Variants in AGRN observed in about 807,000 individuals in gnomAD.
The protein encoded by AGRN is agrin proteoglycan.
AGRN carries 106 observed loss-of-function variants against 211.0 expected under a neutral mutation model. The ratio of observed to expected loss-of-function variants is 0.50; its 90% CI spans 0.43 to 0.59. The LOEUF (loss-of-function observed/expected upper bound fraction) is 0.59. AGRN is among the 20% of genes least tolerant of loss of function. AGRN has a pLI of 0.00. For missense variants in AGRN, 3,040 were observed against 2,982.6 expected, an observed-to-expected ratio of 1.02 and a Z score of -0.45; for synonymous variants, 1,525 against 1,332.5, an observed-to-expected ratio of 1.14 and a Z score of -3.15.
rs1293258104 is a variant in AGRN, at chr1:1,045,537, C to T, written c.2536+14C>T. Reference sequence around the variant, plus strand: ...GTGGCTGTACACGTGAGTGACAGGGCCCAGGACTGGCCACCGGCTATGCCC... The same window carrying T: ...GTGGCTGTACACGTGAGTGACAGGGTCCAGGACTGGCCACCGGCTATGCCC... On this transcript the variant is annotated intron_variant, in intron 14 of 35. Transcript: ENST00000379370. The T allele has an allele frequency of 6.2e-7, 1 of 1,612,108 alleles. No individual in the cohort carries two copies. Among genetic ancestry groups the T allele is most frequent in the Non-Finnish European group, 8.5e-7 (1 of 1,179,668 alleles).
chr1:1,035,569 C>T (rs1438081618), intron 3 of AGRN, among the ~76,000 whole-genome samples: 1 of 152,240 alleles, frequency 6.6e-6, no homozygotes, highest in Non-Finnish European at 1.5e-5. Context: ...GCCCCCTCAG[C>T]CTCAAAACTG....
intron 2 of AGRN, among the ~76,000 whole-genome samples, chr1:1,028,217 G>A (rs1295696058): frequency 1.3e-5 from 2 of 152,100 alleles, no homozygotes; most frequent in Non-Finnish European, 2.9e-5. Flanking sequence ...AGAGGGCTGG[G>A]GCGCAGTCGT....
chr1:1,034,712 C>A, intron 2 of AGRN: 22 of 996,674 alleles, frequency 2.2e-5, no homozygotes, highest in Non-Finnish European at 2.6e-5. Flanking sequence ...CTGTAGGTGG[C>A]CGCGGGCGGG....
At chr1:1,054,352 G>A (rs1395477527) in intron 34 of AGRN, 96 bp from the exon 35 acceptor site, 1 of 1,165,278 alleles carries the variant, frequency 8.6e-7, no homozygotes, top group South Asian at 1.3e-5. Context: ...CCAGGCTGAG[G>A]CACCTGCAGG....
Position 1,048,889 on chromosome 1 carries a change from C to A in AGRN, c.4128C>A (p.Ala1376=). Reference sequence around the variant, plus strand: ...CAGTGCTTGGCGCCCCTGTGCCGGCCTTCGAGGGCCGCTCCTTCCTGGCCT... The same window carrying A: ...CAGTGCTTGGCGCCCCTGTGCCGGCATTCGAGGGCCGCTCCTTCCTGGCCT... ...CEKVLGAPVP[A]FEGRSFLAFP... is the part of the protein sequence containing the mutation. Residue 1376 remains alanine, a synonymous_variant, in exon 24 of 36, where the codon GCC becomes GCA. Coordinates refer to ENST00000379370, the MANE Select transcript of AGRN (RefSeq NM_198576.4). This position sits in a 1 kb window ranked among gnomAD's most constrained non-coding sequence, Gnocchi z 5.9. 1 of 1,544,088 alleles carries A rather than the reference C, an allele frequency of 6.5e-7. No homozygotes were observed. Among genetic ancestry groups the A allele is most frequent in the East Asian group, 2.4e-5 (1 of 41,262 alleles).
At chr1:1,022,138 G>GC in intron 1 of AGRN, 63 bp from the exon 2 acceptor site, 1 of 1,603,418 alleles carries the variant, frequency 6.2e-7, no homozygotes, top group South Asian at 1.1e-5. Flanking sequence ...AACACCTAAA[G>GC]CCCCCAGTCT....
In AGRN at chr1:1,054,768, G is replaced by C. The variant is rs1403107668; in HGVS notation, c.5981-56G>C. On this transcript the variant is annotated intron_variant, in intron 35 of 35. Transcript: ENST00000379370. ...CCCTGCTGGTCACCTGCTCGTTGGG[G>C]TGCCCATCAGCATCACTGAGTCACA... The C allele has an allele frequency of 2.6e-6, 4 of 1,536,058 alleles. No individual in the cohort carries two copies. The African/African-American group carries it at 5.5e-5, about 21-fold the overall frequency.
At chr1:1,030,377 A>ATGTG (rs201683978) in intron 2 of AGRN, among the ~76,000 whole-genome samples, 2 of 11,704 alleles carry the variant, frequency 1.7e-4, no homozygotes, top group Non-Finnish European at 2.3e-4. Flanking sequence ...TGAGATCAGC[A>ATGTG]TGTGTGTGTG....
Position 1,050,377 on chromosome 1 carries a change from C to T in AGRN, c.4976+48C>T, listed in dbSNP as rs578006345. On this transcript the variant is annotated intron_variant, in intron 28 of 35. Coordinates refer to ENST00000379370, the MANE Select transcript of AGRN (RefSeq NM_198576.4). Reference sequence around the variant, plus strand: ...GAAGGGCCGGCCCCCACCTCCGTCTCTCCTGTGGGGAGGGGACAGCAAAGA... The same window carrying T: ...GAAGGGCCGGCCCCCACCTCCGTCTTTCCTGTGGGGAGGGGACAGCAAAGA... The T allele has an allele frequency of 5.0e-6, 8 of 1,612,770 alleles. No homozygotes were observed. In the Admixed American group the frequency reaches 1.2e-4, roughly 24 times the overall value.
At position 1,054,431 on chromosome 1, in the gene AGRN, C is replaced by G. The variant is rs199552967; in HGVS notation, c.5877-17C>G. 9.6e-6 allele frequency: 15 copies of G among 1,557,996 alleles called. No individual in the cohort carries two copies. Among genetic ancestry groups the G allele is most frequent in the Middle Eastern group, 1.7e-4 (1 of 5,954 alleles). On this transcript the variant is annotated splice_polypyrimidine_tract_variant and intron_variant, in intron 34 of 35. Transcript: ENST00000379370. ...GAACTCTGGGCCCTGATGGTCTCCC[C>G]CTCCCTGCACACCCAGGGAGCAGAG... is the stretch of plus-strand genomic sequence containing the variant.
In AGRN at chr1:1,033,509, C is replaced by T. The variant is rs866913316; in HGVS notation, c.464-1768C>T. ...TTCCTCCTCCCGCGACCTGCCCCGG[C>T]CGCACCCGCCTCCGCTCCAGCACGC... On this transcript the variant is annotated intron_variant, in intron 2 of 35. Transcript: ENST00000379370. Among the ~76,000 whole-genome samples the T allele has an allele frequency of 5.4e-3, 815 of 151,686 alleles. 8 individuals carry two copies. Among genetic ancestry groups the T allele is most frequent in the African/African-American group, 0.018 (747 of 41,442 alleles).
At position 1,047,345 on chromosome 1, in the gene AGRN, G is replaced by T; in HGVS notation, c.3407G>T (p.Gly1136Val). Reference sequence around the variant, plus strand: ...CCCACAGCCACCAAGGTGTTCCAGGGCGTCCTGGAGCTGGAGGGCGTCGAG... The same window carrying T: ...CCCACAGCCACCAAGGTGTTCCAGGTCGTCCTGGAGCTGGAGGGCGTCGAG... ...SNCPATKVFQ[G>V]VLELEGVEGQ... Residue 1136 changes from glycine (G) to valine (V), a missense_variant, in exon 20 of 36, where the codon GGC (glycine) becomes GTC (valine). Physicochemically the swap from Gly to Val is moderately radical, Grantham distance 109. Coordinates refer to ENST00000379370, the MANE Select transcript of AGRN (RefSeq NM_198576.4). 6.2e-7 allele frequency: 1 copy of T among 1,606,456 alleles called. No homozygotes were observed. The highest frequency in any genetic ancestry group is 8.5e-7 in the Non-Finnish European group (1 of 1,176,786).
At chr1:1,036,567 T>C (rs1644809037) in intron 3 of AGRN, among the ~76,000 whole-genome samples, 1 of 152,140 alleles carries the variant, frequency 6.6e-6, no homozygotes, top group Admixed American at 6.5e-5. Flanking sequence ...TCCCAGGGAC[T>C]CTGGCCTGGG....
chr1:1,032,939 A>G lies in AGRN; in HGVS notation c.464-2338A>G, dbSNP rs535887964. 1.1e-3 allele frequency among the ~76,000 whole-genome samples: 162 copies of G among 151,518 alleles called. No homozygotes were observed. The highest frequency in any genetic ancestry group is 9.2e-4 in the Admixed American group (14 of 15,266). On this transcript the variant is annotated intron_variant, in intron 2 of 35. Transcript: ENST00000379370. This position sits in a 1 kb window ranked among gnomAD's most constrained non-coding sequence, Gnocchi z 4.7. ...ACCGGACCGGACGGGCCCCTCCCTT[A>G]CCCCCGGATCCCCCGGCTGGGCAGC...
At chr1:1,039,942 C>T (rs1435454745) in intron 3 of AGRN, among the ~76,000 whole-genome samples, 2 of 152,144 alleles carry the variant, frequency 1.3e-5, no homozygotes, top group African/African-American at 4.8e-5. Context: ...AGGCGGAGGC[C>T]AGGAATTTGC....
At chr1:1,034,431 G>T in intron 2 of AGRN, 3 of 985,776 alleles carry the variant, frequency 3.0e-6, no homozygotes, top group Non-Finnish European at 3.6e-6. Flanking sequence ...AACTCTGAGG[G>T]CACAGCTGCT....
At position 1,040,664 on chromosome 1, in the gene AGRN, G is replaced by C. The variant is rs753508518; in HGVS notation, c.512-1G>C. 1 of 1,547,482 alleles carries C rather than the reference G, an allele frequency of 6.5e-7. No individual in the cohort carries two copies. Among genetic ancestry groups the C allele is most frequent in the Non-Finnish European group, 8.7e-7 (1 of 1,146,382 alleles). ...TGAGCTTTCTCCCCTACCCGCCCCAGCGTGCCGGGGAATGCTGTGCGGCTT... is the reference window on the plus strand; with the variant it reads ...TGAGCTTTCTCCCCTACCCGCCCCACCGTGCCGGGGAATGCTGTGCGGCTT... On this transcript the variant is annotated splice_acceptor_variant, in intron 3 of 35. Transcript: ENST00000379370. LOFTEE classifies it high-confidence loss of function.
At position 1,048,035 on chromosome 1, in the gene AGRN, G is replaced by A; in HGVS notation, c.3775G>A (p.Gly1259Arg). 1.3e-6 allele frequency: 2 copies of A among 1,585,950 alleles called. No homozygotes were observed. The highest frequency in any genetic ancestry group is 1.3e-5 in the African/African-American group (1 of 74,598). ...DFDWFPAFIT[G>R]ATSGAIAAGA... The stretch of plus-strand genomic sequence containing the variant: ...AGACTGGTTTCCTGCGTTTATCACG[G>A]GGGCCACGTCAGGAGCCATTGCTGC... Residue 1259 changes from glycine (G) to arginine (R), a missense_variant, in exon 23 of 36, where the codon GGG (glycine) becomes AGG (arginine). This residue lies in a region of AGRN where 1,537 missense variants were observed against 1,505.0 expected (regional missense o/e 1.02). Coordinates refer to ENST00000379370, the MANE Select transcript of AGRN (RefSeq NM_198576.4). The surrounding 1 kb of genome is among the most constrained non-coding windows in gnomAD (Gnocchi z 5.9).
In AGRN at chr1:1,050,747, G is replaced by T. The variant is rs146855689; in HGVS notation, c.5163G>T (p.Leu1721=). The part of the protein sequence containing the change: ...AVIRSREPVT[L]GAWTRVSLER... Reference sequence around the variant, plus strand: ...CCAGGAGCAGGGAGCCAGTCACCCTGGGAGCCTGGACCAGGGTCTCACTGG... The same window carrying T: ...CCAGGAGCAGGGAGCCAGTCACCCTTGGAGCCTGGACCAGGGTCTCACTGG... Residue 1721 remains leucine, a synonymous_variant, in exon 30 of 36, where the codon CTG becomes CTT. Coordinates refer to ENST00000379370, the MANE Select transcript of AGRN (RefSeq NM_198576.4). 3.1e-6 allele frequency: 5 copies of T among 1,603,432 alleles called. No homozygotes were observed. The highest frequency in any genetic ancestry group is 4.2e-6 in the Non-Finnish European group (5 of 1,177,550).
Sources: allele counts gnomAD v4.1 joint callset (sites outside exome capture counted in the v4.1 genomes callset), GRCh38; gene constraint gnomAD v4.1.1; regional missense constraint gnomAD v4.1.1; non-coding constraint Gnocchi (gnomAD v3.1); transcripts MANE v1.5; gene names NCBI Gene and HGNC (gene_info 2026-07-23, HGNC 2026-07-21).